RAP1GDS1: variants seen among roughly 807,000 people sequenced by gnomAD.
RAP1GDS1 encodes the protein Rap1 GTPase-GDP dissociation stimulator 1.
In RAP1GDS1, 35 loss-of-function variants were observed where a neutral mutation model predicts 71.1. That is an observed-to-expected ratio of 0.49 (90% confidence interval 0.38 to 0.65). The LOEUF (loss-of-function observed/expected upper bound fraction) is 0.65. RAP1GDS1 is among the 30% of genes least tolerant of loss of function. RAP1GDS1 has a pLI of 0.00. For missense variants in RAP1GDS1, 663 were observed against 706.1 expected, an observed-to-expected ratio of 0.94 and a Z score of 0.69; for synonymous variants, 229 against 243.1, an observed-to-expected ratio of 0.94 and a Z score of 0.54.
intron 3 of RAP1GDS1, among the ~76,000 whole-genome samples, chr4:98,348,883 G>A (rs1279253925): frequency 2.0e-5 from 3 of 152,120 alleles, no homozygotes; most frequent in Middle Eastern, 3.2e-3. Flanking sequence ...TGTCAGATGA[G>A]TAGATTGCAG....
intron 1 of RAP1GDS1, among the ~76,000 whole-genome samples, chr4:98,271,638 A>AGTAATGGC (rs72384248): frequency 0.024 from 3,694 of 152,268 alleles, 144 homozygotes; most frequent in African/African-American, 0.081. Flanking sequence ...ATATATAATT[A>AGTAATGGC]TGTTTTAATA....
intron 3 of RAP1GDS1, among the ~76,000 whole-genome samples, chr4:98,350,764 G>C (rs1364093317): frequency 6.6e-6 from 1 of 152,126 alleles, no homozygotes; most frequent in Non-Finnish European, 1.5e-5. Flanking sequence ...TTTGAACCCA[G>C]GGGGCAGAGG....
At chr4:98,366,543 G>A (rs1284341515) in intron 4 of RAP1GDS1, among the ~76,000 whole-genome samples, 1 of 152,152 alleles carries the variant, frequency 6.6e-6, no homozygotes, top group African/African-American at 2.4e-5. Context: ...AGAGATTGGA[G>A]CAGTTTAGAG....
chr4:98,308,297 C>CCATATATATATATA (rs1239038228), intron 2 of RAP1GDS1, among the ~76,000 whole-genome samples: 1 of 73,228 alleles, frequency 1.4e-5, no homozygotes, highest in African/African-American at 5.0e-5. Context: ...CACACACACA[C>CCATATATATATATA]TATATATATA....
chr4:98,422,967 C>T (rs1749099190), intron 12 of RAP1GDS1, among the ~76,000 whole-genome samples: 1 of 152,222 alleles, frequency 6.6e-6, no homozygotes, highest in Non-Finnish European at 1.5e-5. Flanking sequence ...GACCCCTTCT[C>T]CATCATAACT....
intron 7 of RAP1GDS1, among the ~76,000 whole-genome samples, chr4:98,406,800 A>G (rs1746184672): frequency 1.3e-5 from 2 of 152,142 alleles, no homozygotes; most frequent in South Asian, 2.1e-4. Context: ...CTTTGACCTA[A>G]GTGAGTTGTC....
At chr4:98,300,222 A>C (rs1178471491) in intron 2 of RAP1GDS1, among the ~76,000 whole-genome samples, 1 of 152,192 alleles carries the variant, frequency 6.6e-6, no homozygotes, top group African/African-American at 2.4e-5. Context: ...GTGGTTAGTC[A>C]GCAACATTCA....
chr4:98,366,756 C>T (rs10010260), intron 4 of RAP1GDS1, among the ~76,000 whole-genome samples: 6,965 of 152,136 alleles, frequency 0.046, 396 homozygotes, highest in African/African-American at 0.13. Flanking sequence ...TTGCCCCTGC[C>T]CTAGAGATTT....
intron 2 of RAP1GDS1, among the ~76,000 whole-genome samples, chr4:98,307,261 A>G (rs541616057): frequency 1.0e-3 from 158 of 151,890 alleles, no homozygotes; most frequent in African/African-American, 3.7e-3. Context: ...CTGTCCCATT[A>G]ATCTGTTTGT....
intron 12 of RAP1GDS1, among the ~76,000 whole-genome samples, chr4:98,429,206 C>T (rs909803097): frequency 4.7e-5 from 7 of 147,808 alleles, no homozygotes; most frequent in South Asian, 2.1e-4. Context: ...TGCAGTGAGC[C>T]GAGATGGCAC....
At chr4:98,408,818 CT>C (rs1746560702) in intron 7 of RAP1GDS1, among the ~76,000 whole-genome samples, 1 of 152,046 alleles carries the variant, frequency 6.6e-6, no homozygotes, top group South Asian at 2.1e-4. Flanking sequence ...TTAAAAAAAG[CT>C]TTTCATAAAA....
chr4:98,264,041 A>G (rs1360574298), intron 1 of RAP1GDS1, among the ~76,000 whole-genome samples: 2 of 152,212 alleles, frequency 1.3e-5, no homozygotes, highest in Non-Finnish European at 2.9e-5. Flanking sequence ...ATAAGAAGGT[A>G]GAAGGTATAC....
rs1185496995 is a variant in RAP1GDS1, at chr4:98,438,590, C to CTTTTTTT, written c.1696+1536_1696+1542dup. Among the ~76,000 whole-genome samples, 6 of 62,572 alleles carry CTTTTTTT rather than the reference C, an allele frequency of 9.6e-5. 2 individuals carry two copies. The highest frequency in any genetic ancestry group is 4.2e-4 in the East Asian group (1 of 2,404). 41.0% of individuals were successfully genotyped at this position (62,572 alleles called of 152,430 possible). On this transcript the variant is annotated intron_variant, in intron 14 of 14. Transcript: ENST00000408927. Reference sequence around the variant, plus strand: ...TCCATATATATATATATATATATATCTTTTTTTTTTTTTTTTTTTTGAGAC... The same window carrying CTTTTTTT: ...TCCATATATATATATATATATATATCTTTTTTTTTTTTTTTTTTTTTTTTTTTGAGAC...
At chr4:98,390,375 T>C (rs979906938) in intron 5 of RAP1GDS1, among the ~76,000 whole-genome samples, 1 of 152,196 alleles carries the variant, frequency 6.6e-6, no homozygotes. Flanking sequence ...TTAATTCTTA[T>C]CTCCTTTTAG....
chr4:98,372,828 G>A (rs1740593256), intron 4 of RAP1GDS1, among the ~76,000 whole-genome samples: 1 of 152,014 alleles, frequency 6.6e-6, no homozygotes, highest in African/African-American at 2.4e-5. Flanking sequence ...AGGACTACAA[G>A]TGCATGCCAC....
intron 6 of RAP1GDS1, among the ~76,000 whole-genome samples, chr4:98,394,024 T>G (rs1470545319): frequency 1.3e-5 from 2 of 152,142 alleles, no homozygotes; most frequent in African/African-American, 4.8e-5. Flanking sequence ...AGGCCCTCCC[T>G]TTTGAAGTTT....
intron 1 of RAP1GDS1, among the ~76,000 whole-genome samples, chr4:98,290,733 C>T (rs1726801665): frequency 1.3e-5 from 2 of 152,020 alleles, no homozygotes; most frequent in Non-Finnish European, 1.5e-5. Flanking sequence ...TTCACGGTTA[C>T]CAGAAGTTGC....
intron 2 of RAP1GDS1, chr4:98,296,905 A>T (rs1727839159): frequency 2.5e-6 from 1 of 395,616 alleles, no homozygotes; most frequent in Non-Finnish European, 5.0e-6. Flanking sequence ...TATCCATTTT[A>T]TTCCATTTTG....
intron 6 of RAP1GDS1, among the ~76,000 whole-genome samples, chr4:98,393,522 A>C (rs1011653444): frequency 6.6e-6 from 1 of 152,224 alleles, no homozygotes; most frequent in African/African-American, 2.4e-5. Flanking sequence ...GCAGAAATAA[A>C]ACAGAAATTG....
Sources: gnomAD v4.1 joint callset for allele counts (sites outside exome capture counted in the v4.1 genomes callset) on GRCh38, gnomAD v4.1.1 for gene constraint, MANE v1.5 for transcripts, NCBI Gene and HGNC (gene_info 2026-07-23, HGNC 2026-07-21) for gene names.